Variants in PLCH1 observed in about 807,000 individuals in gnomAD.
PLCH1 encodes the protein phospholipase C eta 1.
PLCH1 carries 60 observed loss-of-function variants against 126.7 expected under a neutral mutation model. The ratio of observed to expected loss-of-function variants is 0.47; its 90% CI spans 0.38 to 0.59. The LOEUF (loss-of-function observed/expected upper bound fraction) is 0.59, where lower values mean the gene tolerates loss of function less well. Ranked by LOEUF, PLCH1 falls within the 20% of genes least tolerant of loss-of-function variation. The pLI is 0.00. For synonymous variants in PLCH1, 719 were observed against 734.9 expected (o/e 0.98, Z 0.35); for missense variants, 1,723 against 2,040.0 (o/e 0.84, Z 2.99).
chr3:155,698,612 T>C (rs1285907653), intron 2 of PLCH1, among the ~76,000 whole-genome samples: 1 of 152,182 alleles, frequency 6.6e-6, no homozygotes, highest in Middle Eastern at 3.2e-3. Flanking sequence ...AAAATTTTAG[T>C]GCTTAGAAAC....
intron 2 of PLCH1, among the ~76,000 whole-genome samples, chr3:155,657,122 A>T (rs1741485252): frequency 1.3e-5 from 2 of 152,130 alleles, no homozygotes; most frequent in Admixed American, 1.3e-4. Context: ...AAATGTAAGA[A>T]TAGGTCAGAA....
Position 155,481,900 on chromosome 3 carries a change from G to T in PLCH1, c.4126C>A (p.Leu1376Ile). 6.2e-7 allele frequency: 1 copy of T among 1,614,154 alleles called. No homozygotes were observed. ...TACTTGAGTTTTAAAGGAGAAGCAA[G>T]TTGACTTGTGCCCTCTCTCCTATAT... is the stretch of plus-strand genomic sequence containing the variant. ...CEYRREGTSQ[L>I]ASPLKLKYNQ... Residue 1376 changes from leucine (L) to isoleucine (I), a missense_variant, in exon 23 of 23, where the codon CTT (leucine) becomes ATT (isoleucine). Physicochemically the swap from Leu to Ile is conservative, Grantham distance 5. This residue lies in a region of PLCH1 where 947 missense variants were observed against 977.1 expected (regional missense o/e 0.97). Transcript: ENST00000460012. The surrounding 1 kb of genome is among the most constrained non-coding windows in gnomAD (Gnocchi z 4.2).
intron 2 of PLCH1, among the ~76,000 whole-genome samples, chr3:155,632,391 A>G (rs1263670152): frequency 6.6e-6 from 1 of 152,212 alleles, no homozygotes; most frequent in East Asian, 1.9e-4. Flanking sequence ...GGGAAACCAA[A>G]TCAAGTATCT....
At chr3:155,667,048 ATTATT>A (rs1381147513) in intron 2 of PLCH1, among the ~76,000 whole-genome samples, 1 of 152,156 alleles carries the variant, frequency 6.6e-6, no homozygotes, top group Non-Finnish European at 1.5e-5. Flanking sequence ...TGTTATCCAC[ATTATT>A]TTATCTGATC....
chr3:155,682,136 C>T (rs572173825), intron 2 of PLCH1, among the ~76,000 whole-genome samples: 1 of 152,318 alleles, frequency 6.6e-6, no homozygotes, highest in East Asian at 1.9e-4. Flanking sequence ...ATCTATGGGA[C>T]AAACTGGAAA....
At chr3:155,666,948 G>A (rs964309709) in intron 2 of PLCH1, among the ~76,000 whole-genome samples, 3 of 151,378 alleles carry the variant, frequency 2.0e-5, no homozygotes, top group African/African-American at 7.3e-5. Flanking sequence ...GTGTAAGACA[G>A]ATACTAAAAT....
At chr3:155,692,895 A>G (rs910551263) in intron 2 of PLCH1, among the ~76,000 whole-genome samples, 2 of 151,806 alleles carry the variant, frequency 1.3e-5, no homozygotes, top group African/African-American at 4.8e-5. Flanking sequence ...AATAGCTGGG[A>G]TCTCCTGCCT....
intron 21 of PLCH1, among the ~76,000 whole-genome samples, chr3:155,458,423 AAGGAAGGAAGGAAGGAAGGAAG>A: frequency 2.5e-5 from 2 of 78,550 alleles, no homozygotes; most frequent in African/African-American, 1.8e-4. Context: ...GGAAGGAAGG[AAGGAAGGAAGGAAGGAAGGAAG>A]GAAGGAAGGA....
intron 2 of PLCH1, among the ~76,000 whole-genome samples, chr3:155,654,275 T>A (rs1222322824): frequency 1.3e-5 from 2 of 151,978 alleles, no homozygotes; most frequent in Non-Finnish European, 2.9e-5. Flanking sequence ...CTGAGATAAA[T>A]CTGGAGGAGC....
At chr3:155,652,574 A>T (rs1369188127) in intron 2 of PLCH1, among the ~76,000 whole-genome samples, 1 of 152,210 alleles carries the variant, frequency 6.6e-6, no homozygotes, top group Non-Finnish European at 1.5e-5. Context: ...TTTATTCATC[A>T]AACGCTTAGT....
chr3:155,514,963 T>A (rs1225987007), intron 11 of PLCH1, 79 bp from the exon 12 acceptor site: 1 of 893,558 alleles, frequency 1.1e-6, no homozygotes, highest in East Asian at 2.8e-5. Context: ...CAAGCCACAA[T>A]TGCTTCTATA....
chr3:155,713,734 T>C (rs1458716861), intron 1 of PLCH1, among the ~76,000 whole-genome samples: 1 of 152,214 alleles, frequency 6.6e-6, no homozygotes, highest in Non-Finnish European at 1.5e-5. Context: ...TGTTTCAGGG[T>C]CAATCTCTTC....
intron 2 of PLCH1, among the ~76,000 whole-genome samples, chr3:155,699,182 T>C (rs1265402639): frequency 6.6e-6 from 1 of 151,932 alleles, no homozygotes; most frequent in Non-Finnish European, 1.5e-5. Flanking sequence ...TTCAAACGAC[T>C]CTCTTGCCTC....
chr3:155,689,902 G>T (rs1420111586), intron 2 of PLCH1, among the ~76,000 whole-genome samples: 1 of 152,006 alleles, frequency 6.6e-6, no homozygotes, highest in Non-Finnish European at 1.5e-5. Flanking sequence ...CCTAGGAAAA[G>T]ATATCAACAT....
At chr3:155,643,073 T>A (rs1034839603) in intron 2 of PLCH1, among the ~76,000 whole-genome samples, 4 of 152,118 alleles carry the variant, frequency 2.6e-5, no homozygotes, top group Non-Finnish European at 5.9e-5. Flanking sequence ...CTCAGCCTCC[T>A]GAGTAGCTGG....
intron 6 of PLCH1, among the ~76,000 whole-genome samples, chr3:155,572,477 T>A (rs534426261): frequency 6.6e-6 from 1 of 152,318 alleles, no homozygotes; most frequent in Non-Finnish European, 1.5e-5. Context: ...TTCCACTTTA[T>A]CCTTGGCACT....
At chr3:155,713,530 A>G (rs1300854269) in intron 1 of PLCH1, among the ~76,000 whole-genome samples, 1 of 152,252 alleles carries the variant, frequency 6.6e-6, no homozygotes, top group Non-Finnish European at 1.5e-5. Context: ...AATTGCTAAC[A>G]GCATTTGGAG....
In PLCH1 at chr3:155,486,519, T is replaced by G. The variant is rs923710045; in HGVS notation, c.2620-809A>C. 3.4e-3 allele frequency among the ~76,000 whole-genome samples: 492 copies of G among 144,610 alleles called. 1 individual carries two copies. The highest frequency in any genetic ancestry group is 0.012 in the African/African-American group (460 of 38,044). 94.9% of individuals were successfully genotyped at this position (144,610 alleles called of 152,430 possible). ...TTATTTCTGGCTCAAGTTTGTTTTTTTTTTTTTTTTTTTTTTGAGACGGAG... is the reference window on the plus strand; with the variant it reads ...TTATTTCTGGCTCAAGTTTGTTTTTGTTTTTTTTTTTTTTTTGAGACGGAG... On this transcript the variant is annotated intron_variant, in intron 21 of 22. Transcript: ENST00000460012.
intron 1 of PLCH1, among the ~76,000 whole-genome samples, chr3:155,705,971 C>G (rs773475013): frequency 6.9e-6 from 1 of 145,896 alleles, no homozygotes; most frequent in East Asian, 2.1e-4. Context: ...GTCCAGAGAT[C>G]GAGCCCAGCC....
Sources: gnomAD v4.1 joint callset for allele counts (sites outside exome capture counted in the v4.1 genomes callset) on GRCh38, gnomAD v4.1.1 for gene constraint, gnomAD v4.1.1 regional missense constraint, Gnocchi (gnomAD v3.1) non-coding constraint, MANE v1.5 for transcripts, NCBI Gene and HGNC (gene_info 2026-07-23, HGNC 2026-07-21) for gene names.